The following STAU2 variants were observed in gnomAD, a reference collection of about 807,000 sequenced individuals.
The protein encoded by STAU2 is staufen double-stranded RNA binding protein 2.
Under a neutral mutation model 65.9 loss-of-function variants are expected in STAU2, and 20 were observed. The ratio of observed to expected loss-of-function variants is 0.30; its 90% CI spans 0.21 to 0.44. The LOEUF is 0.44. Ranked by LOEUF, STAU2 falls within the 20% of genes least tolerant of loss-of-function variation. The pLI is 1.00. For synonymous variants in STAU2, 232 were observed against 233.9 expected (o/e 0.99, Z 0.07); for missense variants, 558 against 683.9 (o/e 0.82, Z 2.05).
chr8:73,692,519 G>A (rs934863352), intron 4 of STAU2, among the ~76,000 whole-genome samples: 1 of 152,098 alleles, frequency 6.6e-6, no homozygotes, highest in African/African-American at 2.4e-5. Context: ...TTATCTGGCT[G>A]TTCACCTATA....
At chr8:73,521,315 T>C (rs762733106) in intron 13 of STAU2, among the ~76,000 whole-genome samples, 1 of 152,178 alleles carries the variant, frequency 6.6e-6, no homozygotes, top group Non-Finnish European at 1.5e-5. Context: ...GCATACACAT[T>C]GGAAACAATT....
At chr8:73,672,517 T>C (rs1817755600) in intron 6 of STAU2, 1 of 152,174 alleles carries the variant, frequency 6.6e-6, no homozygotes, top group Admixed American at 6.5e-5. Flanking sequence ...TACTTAAGAT[T>C]TGTACATTTT....
chr8:73,494,340 A>C (rs1821291544), intron 13 of STAU2, among the ~76,000 whole-genome samples: 1 of 151,740 alleles, frequency 6.6e-6, no homozygotes, highest in South Asian at 2.1e-4. Context: ...GCAAAATATT[A>C]ATTATACAAT....
chr8:73,716,046 C>T (rs1302639363), intron 3 of STAU2, among the ~76,000 whole-genome samples: 1 of 151,588 alleles, frequency 6.6e-6, no homozygotes, highest in African/African-American at 2.4e-5. Context: ...TCCTGAGTAG[C>T]TGGGATTACA....
At chr8:73,546,575 T>G (rs983891762) in intron 13 of STAU2, among the ~76,000 whole-genome samples, 5 of 152,210 alleles carry the variant, frequency 3.3e-5, no homozygotes, top group African/African-American at 1.2e-4. Context: ...TATCCATATA[T>G]CCCCTAAATG....
chr8:73,611,347 T>G (rs928482612), intron 9 of STAU2, among the ~76,000 whole-genome samples: 37 of 152,166 alleles, frequency 2.4e-4, no homozygotes, highest in African/African-American at 8.9e-4. Context: ...CCAAGTGTGA[T>G]GTATATGAGG....
In STAU2 at chr8:73,420,520, C is replaced by T. The variant is rs1331476523; in HGVS notation, c.*852G>A. 1 of 228,274 alleles carries T rather than the reference C, an allele frequency of 4.4e-6. No homozygotes were observed. The highest frequency in any genetic ancestry group is 9.4e-5 in the East Asian group (1 of 10,614). 14.1% of individuals were successfully genotyped at this position (228,274 alleles called of 1,614,324 possible). A position where few individuals can be genotyped will look rare whatever the true frequency, so the allele number is the denominator to read the frequency against. ...TTATTTTTGATCCTACTCACTGTCC[C>T]AAGTCCAGAGGCAGTTACAAAAAAC... is the stretch of plus-strand genomic sequence containing the variant. On this transcript the variant is annotated 3_prime_UTR_variant, in exon 15 of 15. Coordinates refer to ENST00000524300, the MANE Select transcript of STAU2 (RefSeq NM_001164380.2).
intron 12 of STAU2, among the ~76,000 whole-genome samples, chr8:73,579,936 C>T (rs968329840): frequency 6.6e-6 from 1 of 152,188 alleles, no homozygotes; most frequent in Non-Finnish European, 1.5e-5. Context: ...TTTCCTATGA[C>T]TGTAATCTTT....
intron 13 of STAU2, among the ~76,000 whole-genome samples, chr8:73,504,202 C>A (rs775949152): frequency 2.0e-5 from 3 of 151,956 alleles, no homozygotes; most frequent in Non-Finnish European, 4.4e-5. Context: ...CAACCTACAG[C>A]GATATTAGCT....
intron 11 of STAU2, among the ~76,000 whole-genome samples, chr8:73,592,865 A>G (rs1393996256): frequency 6.7e-6 from 1 of 149,558 alleles, no homozygotes; most frequent in East Asian, 2.3e-4. Flanking sequence ...TCTCAAAAAA[A>G]CAACAAAAAA....
intron 12 of STAU2, among the ~76,000 whole-genome samples, chr8:73,575,585 T>G (rs1016881118): frequency 6.6e-6 from 1 of 152,078 alleles, no homozygotes; most frequent in Non-Finnish European, 1.5e-5. Flanking sequence ...AATCTAAATA[T>G]CCATCTGTGA....
At chr8:73,628,132 A>C (rs1310068223) in intron 6 of STAU2, among the ~76,000 whole-genome samples, 1 of 151,434 alleles carries the variant, frequency 6.6e-6, no homozygotes, top group African/African-American at 2.4e-5. Flanking sequence ...TGGAGTGCAG[A>C]GCATGATTAT....
At chr8:73,686,156 T>A (rs2130499744) in intron 5 of STAU2, among the ~76,000 whole-genome samples, 1 of 152,356 alleles carries the variant, frequency 6.6e-6, no homozygotes, top group Non-Finnish European at 1.5e-5. Flanking sequence ...GGCTCACGCC[T>A]GTAATCCCAA....
In STAU2 at chr8:73,538,208, TTAAG is replaced by T. The variant is rs1806308471; in HGVS notation, c.1530+13800_1530+13803del. ...AATTTGAATAAAATCTGTACATTAG[TTAAG>T]AGTTTTATATCATTTTAAATTTCCT... On this transcript the variant is annotated intron_variant, in intron 13 of 14. Coordinates refer to ENST00000524300, the MANE Select transcript of STAU2 (RefSeq NM_001164380.2). 3.9e-5 allele frequency among the ~76,000 whole-genome samples: 6 copies of T among 152,328 alleles called. No individual in the cohort carries two copies. The South Asian group carries it at 1.2e-3, about 32-fold the overall frequency.
At chr8:73,627,412 T>C (rs974731929) in intron 6 of STAU2, among the ~76,000 whole-genome samples, 1 of 152,060 alleles carries the variant, frequency 6.6e-6, no homozygotes, top group African/African-American at 2.4e-5. Flanking sequence ...TTTGCACACA[T>C]GCTACAGATT....
At chr8:73,458,345 G>A (rs577464222) in intron 13 of STAU2, among the ~76,000 whole-genome samples, 6 of 152,132 alleles carry the variant, frequency 3.9e-5, no homozygotes, top group Admixed American at 2.6e-4. Flanking sequence ...TCCAGGAATC[G>A]TACTCTTATT....
chr8:73,469,221 C>T (rs568289191), intron 13 of STAU2, among the ~76,000 whole-genome samples: 44 of 151,978 alleles, frequency 2.9e-4, no homozygotes, highest in Non-Finnish European at 4.9e-4. Context: ...AATCAAACAC[C>T]GCATGTTCTC....
At chr8:73,596,797 C>T (rs1811222274) in intron 10 of STAU2, among the ~76,000 whole-genome samples, 1 of 151,998 alleles carries the variant, frequency 6.6e-6, no homozygotes. Context: ...TGCAGTGAAC[C>T]GTGATCACAT....
chr8:73,533,018 CA>C (rs1436831408), intron 13 of STAU2, among the ~76,000 whole-genome samples: 6 of 152,202 alleles, frequency 3.9e-5, no homozygotes, highest in Non-Finnish European at 8.8e-5. Context: ...GTAACTCCAA[CA>C]CCCAGTGCAC....
Sources: gnomAD v4.1 joint callset for allele counts (sites outside exome capture counted in the v4.1 genomes callset) on GRCh38, gnomAD v4.1.1 for gene constraint, MANE v1.5 for transcripts, NCBI Gene and HGNC (gene_info 2026-07-23, HGNC 2026-07-21) for gene names.